TRAPPC9: variants seen among roughly 807,000 people sequenced by gnomAD.
TRAPPC9 encodes the protein trafficking protein particle complex subunit 9.
Under a neutral mutation model 124.0 loss-of-function variants are expected in TRAPPC9, and 83 were observed. The ratio of observed to expected loss-of-function variants is 0.67; its 90% CI spans 0.56 to 0.80. TRAPPC9 has a LOEUF of 0.80. Ranked by LOEUF, TRAPPC9 falls within the 30% of genes least tolerant of loss-of-function variation. TRAPPC9 has a pLI of 0.00. For missense variants in TRAPPC9, 1,302 were observed against 1,508.3 expected (o/e 0.86, Z 2.27); for synonymous variants, 638 against 617.5 (o/e 1.03, Z -0.49).
intron 20 of TRAPPC9, among the ~76,000 whole-genome samples, chr8:139,886,768 T>C (rs1247241028): frequency 6.6e-6 from 1 of 152,172 alleles, no homozygotes; most frequent in African/African-American, 2.4e-5. Flanking sequence ...GCACAGCAGG[T>C]GGTGTGGCCT....
At chr8:139,929,707 C>T (rs1404734139) in intron 19 of TRAPPC9, among the ~76,000 whole-genome samples, 2 of 152,262 alleles carry the variant, frequency 1.3e-5, no homozygotes, top group African/African-American at 2.4e-5. Context: ...GCTTCAGGAA[C>T]CATGGTGCCA....
At chr8:140,336,292 G>C (rs2067037696) in intron 9 of TRAPPC9, among the ~76,000 whole-genome samples, 2 of 152,136 alleles carry the variant, frequency 1.3e-5, no homozygotes. Flanking sequence ...TTGTTCAACA[G>C]ATATTCCTAC....
chr8:140,039,198 C>CT (rs1841106133), intron 17 of TRAPPC9, among the ~76,000 whole-genome samples: 1 of 152,244 alleles, frequency 6.6e-6, no homozygotes, highest in African/African-American at 2.4e-5. Context: ...CACGGCCTGT[C>CT]TGATAGGCAT....
intron 17 of TRAPPC9, among the ~76,000 whole-genome samples, chr8:140,157,710 G>A (rs1394947487): frequency 6.6e-6 from 1 of 151,746 alleles, no homozygotes; most frequent in Non-Finnish European, 1.5e-5. Context: ...AAAAAGGAGG[G>A]GGTTCTTTTT....
intron 17 of TRAPPC9, among the ~76,000 whole-genome samples, chr8:140,107,554 C>T (rs1005896013): frequency 1.3e-5 from 2 of 152,194 alleles, no homozygotes; most frequent in Non-Finnish European, 2.9e-5. Context: ...CAAATGGTAC[C>T]GTGGGAGTGG....
intron 9 of TRAPPC9, among the ~76,000 whole-genome samples, chr8:140,341,788 T>C (rs1402462913): frequency 6.6e-6 from 1 of 152,184 alleles, no homozygotes; most frequent in African/African-American, 2.4e-5. Context: ...TAGTGCTCCA[T>C]TCTGGGTAGT....
At chr8:140,058,284 C>T (rs1842403598) in intron 17 of TRAPPC9, among the ~76,000 whole-genome samples, 1 of 152,152 alleles carries the variant, frequency 6.6e-6, no homozygotes, top group African/African-American at 2.4e-5. Context: ...ACTTTGACAA[C>T]TAGTTCCAAA....
chr8:140,391,438 T>A (rs1245095198), intron 7 of TRAPPC9, among the ~76,000 whole-genome samples: 1 of 152,146 alleles, frequency 6.6e-6, no homozygotes, highest in Non-Finnish European at 1.5e-5. Context: ...GTGAGCCGGG[T>A]GCAGTGGCTC....
chr8:140,356,121 A>G (rs2067735034), intron 9 of TRAPPC9, among the ~76,000 whole-genome samples: 1 of 152,168 alleles, frequency 6.6e-6, no homozygotes, highest in Non-Finnish European at 1.5e-5. Flanking sequence ...GGCAGGGGAG[A>G]TAGGCAGGCA....
intron 10 of TRAPPC9, among the ~76,000 whole-genome samples, chr8:140,310,875 G>A (rs2066278416): frequency 6.6e-6 from 1 of 152,016 alleles, no homozygotes; most frequent in Non-Finnish European, 1.5e-5. Flanking sequence ...CGTGTGGCTG[G>A]GGTGCATGGC....
At chr8:140,033,635 G>C (rs1840640671) in intron 17 of TRAPPC9, among the ~76,000 whole-genome samples, 1 of 128,992 alleles carries the variant, frequency 7.8e-6, no homozygotes, top group Non-Finnish European at 1.6e-5. Flanking sequence ...CAAATGCATT[G>C]AAATGCAACT....
At chr8:139,900,213 T>C (rs1323427385) in intron 20 of TRAPPC9, among the ~76,000 whole-genome samples, 1 of 152,252 alleles carries the variant, frequency 6.6e-6, no homozygotes. Flanking sequence ...CGTGTGTGCC[T>C]GGGTCCTCAC....
At chr8:139,897,891 G>A (rs1461096616) in intron 20 of TRAPPC9, among the ~76,000 whole-genome samples, 1 of 152,266 alleles carries the variant, frequency 6.6e-6, no homozygotes, top group Non-Finnish European at 1.5e-5. Flanking sequence ...TTTGGGTGCT[G>A]TGGAACGTTA....
chr8:140,213,689 G>C (rs891374814), intron 17 of TRAPPC9, among the ~76,000 whole-genome samples: 5 of 152,078 alleles, frequency 3.3e-5, no homozygotes. Flanking sequence ...CAAATGTTAA[G>C]AGATAAGATG....
intron 15 of TRAPPC9, among the ~76,000 whole-genome samples, chr8:140,261,068 G>A (rs949733476): frequency 7.9e-5 from 12 of 152,152 alleles, no homozygotes; most frequent in Middle Eastern, 3.2e-3. Flanking sequence ...ATCCCAAGAC[G>A]CCCTGTCAGT....
intron 15 of TRAPPC9, among the ~76,000 whole-genome samples, chr8:140,269,944 C>T (rs1287748379): frequency 6.6e-6 from 1 of 151,986 alleles, no homozygotes; most frequent in African/African-American, 2.4e-5. Flanking sequence ...ACTAAAAATA[C>T]AAAAAATTAG....
intron 7 of TRAPPC9, among the ~76,000 whole-genome samples, chr8:140,395,934 A>T (rs991446472): frequency 2.0e-5 from 3 of 151,976 alleles, no homozygotes; most frequent in Non-Finnish European, 4.4e-5. Context: ...CCCGACCCAC[A>T]GCCGGCCGCT....
Position 140,023,969 on chromosome 8 carries a change from A to C in TRAPPC9, c.2667T>G (p.Phe889Leu). ...GLHVEVEPSV[F>L]FTRVSTLPAT... Reference sequence around the variant, plus strand: ...CTGGGAGGGTGCTGACTCGGGTGAAAAATACAGACGGCTCGACTTCTACAT... The same window carrying C: ...CTGGGAGGGTGCTGACTCGGGTGAACAATACAGACGGCTCGACTTCTACAT... The change falls in exon 18 of 23, where the codon TTT becomes TTG. Residue 889 changes from phenylalanine to leucine, a missense_variant. By Grantham distance (22) the Phe-to-Leu change is conservative. This residue lies in a region of TRAPPC9 where 640 missense variants were observed against 679.3 expected (regional missense o/e 0.94). Coordinates refer to ENST00000438773, the MANE Select transcript of TRAPPC9 (RefSeq NM_001160372.4). 2 of 1,614,064 alleles carry C rather than the reference A, an allele frequency of 1.2e-6. No individual in the cohort carries two copies. The highest frequency in any genetic ancestry group is 1.7e-6 in the Non-Finnish European group (2 of 1,179,980).
chr8:139,898,984 G>T (rs1413161325), intron 20 of TRAPPC9, among the ~76,000 whole-genome samples: 1 of 151,796 alleles, frequency 6.6e-6, no homozygotes, highest in Non-Finnish European at 1.5e-5. Flanking sequence ...GCCAGGCACG[G>T]TGGTGGGTGC....
Sources: allele counts gnomAD v4.1 joint callset (sites outside exome capture counted in the v4.1 genomes callset), GRCh38; gene constraint gnomAD v4.1.1; regional missense constraint gnomAD v4.1.1; transcripts MANE v1.5; gene names NCBI Gene and HGNC (gene_info 2026-07-23, HGNC 2026-07-21).